Variants in BRD3 observed in about 807,000 individuals in gnomAD.
BRD3 encodes bromodomain-containing protein 3.
In BRD3, 17 loss-of-function variants were observed where a neutral mutation model predicts 66.8. The observed-to-expected ratio is 0.25, with a 90% CI of 0.17 to 0.38. BRD3 has a LOEUF of 0.38. BRD3 is among the 10% of genes least tolerant of loss of function. The probability of loss-of-function intolerance (pLI) is 1.00; values close to 1 mark genes in which losing one functional copy is unlikely to be tolerated. For missense variants in BRD3, 713 were observed against 956.1 expected (o/e 0.75, Z 3.35); for synonymous variants, 421 against 393.2 (o/e 1.07, Z -0.84).
chr9:134,051,377 G>A (rs569143114), intron 4 of BRD3, among the ~76,000 whole-genome samples, 185 bp downstream of exon 4: 4 of 152,256 alleles, frequency 2.6e-5, no homozygotes, highest in African/African-American at 4.8e-5. Flanking sequence ...AATGTCTTCC[G>A]TATCCCCGGG....
At chr9:134,037,176 G>C (rs961016104) in intron 9 of BRD3, among the ~76,000 whole-genome samples, 8 of 152,120 alleles carry the variant, frequency 5.3e-5, no homozygotes, top group Admixed American at 1.3e-4. Context: ...AAAAAAGTGA[G>C]AAAAAAATAT....
rs1348883171 is a variant in BRD3 at position 134,032,393 on chromosome 9, G to GCTGT, written c.*1193_*1196dup. ...TAAACAAAATAAAAAATTAGAATGT[G>GCTGT]CTGTAGCTGAAAGCTGTCTATACCT... On this transcript the variant is annotated 3_prime_UTR_variant, in exon 12 of 12. Transcript: ENST00000303407. 4.8e-6 allele frequency: 1 copy of GCTGT among 206,502 alleles called. No homozygotes were observed. Among genetic ancestry groups the GCTGT allele is most frequent in the African/African-American group, 2.4e-5 (1 of 41,982 alleles). 12.8% of individuals were successfully genotyped at this position (206,502 alleles called of 1,614,324 possible).
rs1053307492 is a variant in BRD3 at position 134,059,156 on chromosome 9, G to T, written c.-113-5566C>A. 3.7e-4 allele frequency among the ~76,000 whole-genome samples: 57 copies of T among 152,236 alleles called. 2 individuals carry two copies. The highest frequency in any genetic ancestry group is 1.5e-4 in the Non-Finnish European group (10 of 68,050). On this transcript the variant is annotated intron_variant, in intron 1 of 11. Coordinates refer to ENST00000303407, the MANE Select transcript of BRD3 (RefSeq NM_007371.4). ...TGGAATCTGCTTCATGATAATGTGG[G>T]GGGTGAAAATGAGTGGGGTCTGGAA...
chr9:134,062,712 A>G (rs1351813496), intron 1 of BRD3, among the ~76,000 whole-genome samples: 1 of 152,154 alleles, frequency 6.6e-6, no homozygotes, highest in African/African-American at 2.4e-5. Context: ...CCCTCCACAC[A>G]TGCTGGGAAC....
At chr9:134,041,415 A>T (rs1830044515) in intron 8 of BRD3, among the ~76,000 whole-genome samples, 1 of 152,138 alleles carries the variant, frequency 6.6e-6, no homozygotes, top group Admixed American at 6.5e-5. Context: ...GACTGCTTGG[A>T]GCCCAGGCAC....
Position 134,031,741 on chromosome 9 carries a change from G to C in BRD3, c.*1849C>G, listed in dbSNP as rs143795991. ...ATTTTATGGTTGTTTTAAAATCACC[G>C]TGTATTAGGATACTAATGATAGTCC... On this transcript the variant is annotated 3_prime_UTR_variant, in exon 12 of 12. Transcript: ENST00000303407. 4.7e-6 allele frequency: 1 copy of C among 211,150 alleles called. No individual in the cohort carries two copies. Among genetic ancestry groups the C allele is most frequent in the Non-Finnish European group, 9.6e-6 (1 of 104,056 alleles). 13.1% of individuals were successfully genotyped at this position (211,150 alleles called of 1,614,324 possible).
intron 1 of BRD3, among the ~76,000 whole-genome samples, chr9:134,067,382 G>A (rs1318717606): frequency 1.4e-5 from 2 of 148,146 alleles, no homozygotes; most frequent in African/African-American, 4.9e-5. Context: ...GCGCGGCGAC[G>A]GTCCCCAGGC....
At chr9:134,058,266 C>T (rs1364317143) in intron 1 of BRD3, 2 of 152,312 alleles carry the variant, frequency 1.3e-5, no homozygotes, top group African/African-American at 4.8e-5. Context: ...CATGGGCCCC[C>T]TTGGCTGGGG....
chr9:134,067,370 G>A (rs961070220), intron 1 of BRD3, among the ~76,000 whole-genome samples: 42 of 151,208 alleles, frequency 2.8e-4, no homozygotes, highest in African/African-American at 9.9e-4. Context: ...CCCGGCCGCG[G>A]CGCGCGGCGA....
chr9:134,062,584 C>T (rs1830567666), intron 1 of BRD3, among the ~76,000 whole-genome samples: 1 of 152,204 alleles, frequency 6.6e-6, no homozygotes, highest in Admixed American at 6.5e-5. Context: ...CTGGCCACAA[C>T]CCGTCACCTC....
At chr9:134,049,303 CCT>C (rs1298010569) in intron 5 of BRD3, among the ~76,000 whole-genome samples, 1 of 152,158 alleles carries the variant, frequency 6.6e-6, no homozygotes, top group Non-Finnish European at 1.5e-5. Context: ...CAGTGTGCAC[CCT>C]GAGACCAGCT....
Position 134,050,568 on chromosome 9 carries a change from C to T in BRD3, c.520G>A (p.Val174Met), listed in dbSNP as rs139963253. Residue 174 changes from valine to methionine, a missense_variant, in exon 5 of 12, where the codon GTG (valine) becomes ATG (methionine). Val to Met is a conservative substitution (Grantham distance 21, BLOSUM62 1). Coordinates refer to ENST00000303407, the MANE Select transcript of BRD3 (RefSeq NM_007371.4). ...QSAGTQQVAA[V>M]SSVSPATPFQ... The stretch of plus-strand genomic sequence containing the variant: ...GGGGTCGCTGGGGAGACAGAGGACA[C>T]GGCCGCCACTTGCTGTGTACCTTCA... 1.2e-3 allele frequency: 1,908 copies of T among 1,605,868 alleles called. 16 individuals carry two copies. The African/African-American group carries it at 0.02, about 17-fold the overall frequency.
At chr9:134,055,616 C>A (rs1830404741) in intron 1 of BRD3, among the ~76,000 whole-genome samples, 1 of 152,246 alleles carries the variant, frequency 6.6e-6, no homozygotes, top group South Asian at 2.1e-4. Flanking sequence ...CGCAGCTCCG[C>A]TGAGACTGCC....
Position 134,031,569 on chromosome 9 carries a change from A to G in BRD3, c.*2021T>C, listed in dbSNP as rs112255243. The G allele has an allele frequency of 6.8e-3, 1,417 of 206,994 alleles. 26 individuals are homozygous for G. Among genetic ancestry groups the G allele is most frequent in the African/African-American group, 0.03 (1,303 of 43,936 alleles). 12.8% of individuals were successfully genotyped at this position (206,994 alleles called of 1,614,324 possible). On this transcript the variant is annotated 3_prime_UTR_variant, in exon 12 of 12. Transcript: ENST00000303407. ...TTTTTATTATAAACAAAACTTAATT[A>G]AAAGTTTAACAAACTGGCTGAAAAC...
In BRD3 at chr9:134,045,656, A is replaced by G. The variant is rs1830151378; in HGVS notation, c.1087-235T>C. On this transcript the variant is annotated intron_variant, in intron 6 of 11. Transcript: ENST00000303407. This position sits in a 1 kb window ranked among gnomAD's most constrained non-coding sequence, Gnocchi z 4.8. ...GCAGGGAGGGTCTGGGACTCCAGAGACAGATCTCCTGATTGGAAGAAAAAT... is the reference window on the plus strand; with the variant it reads ...GCAGGGAGGGTCTGGGACTCCAGAGGCAGATCTCCTGATTGGAAGAAAAAT... 6.6e-6 allele frequency among the ~76,000 whole-genome samples: 1 copy of G among 152,166 alleles called. No homozygotes were observed. Among genetic ancestry groups the G allele is most frequent in the Non-Finnish European group, 1.5e-5 (1 of 68,030 alleles).
chr9:134,044,225 G>A lies in BRD3; in HGVS notation c.1215+1068C>T, dbSNP rs1830119665. ...GACCACCCTGCCATCATCACCCACA[G>A]GACCCAGTGCACAGAGAGGGTGGCA... On this transcript the variant is annotated intron_variant, in intron 7 of 11. Transcript: ENST00000303407. 2.0e-5 allele frequency among the ~76,000 whole-genome samples: 3 copies of A among 152,200 alleles called. No homozygotes were observed. In the South Asian group the frequency reaches 6.2e-4, roughly 32 times the overall value.
At chr9:134,048,508 A>G in intron 5 of BRD3, 54 bp from the exon 6 acceptor site, 2 of 1,593,164 alleles carry the variant, frequency 1.3e-6, no homozygotes, top group Non-Finnish European at 1.7e-6. Context: ...CCGAAGACGC[A>G]TGTCGCTGCA....
At chr9:134,060,612 A>ACACACACACACAC (rs1443206533) in intron 1 of BRD3, among the ~76,000 whole-genome samples, 6 of 151,688 alleles carry the variant, frequency 4.0e-5, no homozygotes, top group African/African-American at 1.5e-4. Flanking sequence ...ACACACACAC[A>ACACACACACACAC]CACACACACG....
intron 9 of BRD3, among the ~76,000 whole-genome samples, chr9:134,039,680 A>G (rs1829997450): frequency 6.6e-6 from 1 of 152,152 alleles, no homozygotes; most frequent in African/African-American, 2.4e-5. Context: ...CGATTCCACC[A>G]TCCCTGCCCC....
Sources: allele counts gnomAD v4.1 joint callset (sites outside exome capture counted in the v4.1 genomes callset), GRCh38; gene constraint gnomAD v4.1.1; non-coding constraint Gnocchi (gnomAD v3.1); transcripts MANE v1.5; gene names NCBI Gene and HGNC (gene_info 2026-07-23, HGNC 2026-07-21).